The following GPR39 variants were observed in gnomAD, a reference collection of about 807,000 sequenced individuals.
GPR39 encodes G protein-coupled receptor 39, also known as zinc sensing receptor.
In GPR39, 23 loss-of-function variants were observed where a neutral mutation model predicts 18.4. The observed-to-expected ratio is 1.25, with a 90% CI of 0.90 to 1.77. The LOEUF is 1.77. GPR39 is among the 40% of genes most tolerant of loss of function. The pLI is 0.00. For synonymous variants in GPR39, 280 were observed against 257.9 expected (o/e 1.09, Z -0.82); for missense variants, 647 against 602.4 (o/e 1.07, Z -0.78).
At chr2:132,435,920 G>A (rs542284467) in intron 1 of GPR39, among the ~76,000 whole-genome samples, 5 of 152,294 alleles carry the variant, frequency 3.3e-5, no homozygotes, top group Non-Finnish European at 7.4e-5. Flanking sequence ...TCCATTGTAT[G>A]TCAATGTCTG....
At chr2:132,446,868 T>C (rs565198858) in intron 1 of GPR39, among the ~76,000 whole-genome samples, 1 of 152,212 alleles carries the variant, frequency 6.6e-6, no homozygotes, top group South Asian at 2.1e-4. Flanking sequence ...GATCTTTTTC[T>C]AGTATGCAGA....
chr2:132,516,320 C>G (rs1207585089), intron 1 of GPR39, among the ~76,000 whole-genome samples: 3 of 152,018 alleles, frequency 2.0e-5, no homozygotes, highest in Non-Finnish European at 4.4e-5. Context: ...AGGAGCAGAC[C>G]CTGCTCAGAC....
rs116602905 is a variant in GPR39, at chr2:132,543,474, A to G, written c.857-101627A>G. Among the ~76,000 whole-genome samples, 537 of 152,212 alleles carry G rather than the reference A, an allele frequency of 3.5e-3. 5 individuals are homozygous for G. The highest frequency in any genetic ancestry group is 0.012 in the African/African-American group (503 of 41,528). On this transcript the variant is annotated intron_variant, in intron 1 of 1. Transcript: ENST00000329321. ...GTTCTCCAGGGTCGCTTCCCTTACT[A>G]TCTTCCTAAAGCAAGCTGGCTAACT... is the stretch of plus-strand genomic sequence containing the variant.
At chr2:132,508,497 C>T (rs995140391) in intron 1 of GPR39, among the ~76,000 whole-genome samples, 20 of 151,974 alleles carry the variant, frequency 1.3e-4, no homozygotes, top group Admixed American at 6.5e-5. Flanking sequence ...TCAGGGTCCT[C>T]AGAAGTTTCC....
At chr2:132,456,457 T>TG (rs1418349341) in intron 1 of GPR39, among the ~76,000 whole-genome samples, 1 of 152,222 alleles carries the variant, frequency 6.6e-6, no homozygotes, top group African/African-American at 2.4e-5. Flanking sequence ...GTCTTTTAAT[T>TG]GGGGCATTTG....
Position 132,417,548 on chromosome 2 carries a change from C to T in GPR39, c.506C>T (p.Pro169Leu). 1.9e-6 allele frequency: 3 copies of T among 1,614,180 alleles called. No individual in the cohort carries two copies. Among genetic ancestry groups the T allele is most frequent in the Non-Finnish European group, 2.5e-6 (3 of 1,180,040 alleles). ...GTCACCTCCGCCCTGGTGGCACTGC[C>T]CTTGCTGTTTGCCATGGGTACTGAG... ...VWVTSALVAL[P>L]LLFAMGTEYP... The change falls in exon 1 of 2, where the codon CCC becomes CTC. Residue 169 changes from proline (P) to leucine (L), a missense_variant. Pro to Leu is a moderately conservative substitution (Grantham distance 98). Around this residue, in one of 3 missense-constraint regions of GPR39, gnomAD observed 581 missense variants for 506.8 expected, o/e 1.15. Transcript: ENST00000329321.
intron 1 of GPR39, among the ~76,000 whole-genome samples, chr2:132,547,339 T>C (rs991098453): frequency 1.3e-5 from 2 of 152,134 alleles, no homozygotes; most frequent in Non-Finnish European, 2.9e-5. Context: ...ATCAGGAGCT[T>C]GGCGAGATCT....
intron 1 of GPR39, among the ~76,000 whole-genome samples, chr2:132,453,892 T>A (rs1323590132): frequency 1.3e-5 from 2 of 152,210 alleles, no homozygotes; most frequent in Non-Finnish European, 2.9e-5. Flanking sequence ...AGCCTCGTAG[T>A]ATAGTTTAAA....
intron 1 of GPR39, among the ~76,000 whole-genome samples, chr2:132,467,756 C>T (rs931887438): frequency 6.6e-6 from 1 of 152,170 alleles, no homozygotes; most frequent in East Asian, 1.9e-4. Flanking sequence ...AGGCAGGGAA[C>T]ATAGTGGCCC....
chr2:132,636,577 C>T (rs967247255), intron 1 of GPR39, among the ~76,000 whole-genome samples: 1 of 152,204 alleles, frequency 6.6e-6, no homozygotes, highest in Non-Finnish European at 1.5e-5. Context: ...GCAAACAGCA[C>T]CTGCCTGGGA....
intron 1 of GPR39, among the ~76,000 whole-genome samples, chr2:132,463,718 CA>C (rs1680874036): frequency 6.6e-6 from 1 of 152,170 alleles, no homozygotes; most frequent in African/African-American, 2.4e-5. Flanking sequence ...TGCTATATAA[CA>C]AACCACTCCA....
intron 1 of GPR39, among the ~76,000 whole-genome samples, chr2:132,451,174 T>TGTGTGTGTGCGCGTGTGC: frequency 6.6e-6 from 1 of 150,464 alleles, no homozygotes; most frequent in South Asian, 2.1e-4. Context: ...TGTGTGTGTG[T>TGTGTGTGTGCGCGTGTGC]GCACGCGCGT....
At chr2:132,534,912 C>T (rs1215861861) in intron 1 of GPR39, among the ~76,000 whole-genome samples, 2 of 151,924 alleles carry the variant, frequency 1.3e-5, no homozygotes, top group East Asian at 1.9e-4. Flanking sequence ...AGGGGAGCAG[C>T]ACACCAACAT....
intron 1 of GPR39, among the ~76,000 whole-genome samples, chr2:132,517,545 C>G (rs1328344749): frequency 2.0e-5 from 3 of 152,156 alleles, no homozygotes; most frequent in African/African-American, 4.8e-5. Flanking sequence ...TTAGCCAAAT[C>G]TAGCTCATCT....
At chr2:132,435,908 A>G (rs1263878994) in intron 1 of GPR39, among the ~76,000 whole-genome samples, 1 of 152,214 alleles carries the variant, frequency 6.6e-6, no homozygotes, top group South Asian at 2.1e-4. Flanking sequence ...TTTGCTTTTC[A>G]TTCCATTGTA....
chr2:132,441,702 A>G (rs1367316136), intron 1 of GPR39, among the ~76,000 whole-genome samples: 2 of 152,238 alleles, frequency 1.3e-5, no homozygotes, highest in African/African-American at 4.8e-5. Flanking sequence ...CTAGGAGGAA[A>G]GCAATAGTTT....
At chr2:132,557,083 A>AGG (rs34244350) in intron 1 of GPR39, among the ~76,000 whole-genome samples, 19 of 151,226 alleles carry the variant, frequency 1.3e-4, no homozygotes, top group Non-Finnish European at 1.9e-4. Flanking sequence ...TGGGAGGCCA[A>AGG]GGGGGGGGGC....
At chr2:132,511,997 C>T (rs933708804) in intron 1 of GPR39, among the ~76,000 whole-genome samples, 1 of 152,294 alleles carries the variant, frequency 6.6e-6, no homozygotes, top group Middle Eastern at 3.4e-3. Context: ...CACCCCCAGT[C>T]CCCAATCCCC....
chr2:132,511,632 G>C (rs1405339181), intron 1 of GPR39, among the ~76,000 whole-genome samples: 2 of 152,198 alleles, frequency 1.3e-5, no homozygotes, highest in African/African-American at 4.8e-5. Context: ...TGTCATATTT[G>C]CTGCGGAAGG....
Sources: allele counts gnomAD v4.1 joint callset (sites outside exome capture counted in the v4.1 genomes callset), GRCh38; gene constraint gnomAD v4.1.1; regional missense constraint gnomAD v4.1.1; transcripts MANE v1.5; gene names NCBI Gene and HGNC (gene_info 2026-07-23, HGNC 2026-07-21).